Variants in SCN11A observed in about 807,000 individuals in gnomAD.
SCN11A encodes sodium voltage-gated channel alpha subunit 11, also known as sodium channel protein type 11 subunit alpha.
A neutral mutation model predicts 162.2 loss-of-function variants in SCN11A; 122 were observed. The observed-to-expected ratio is 0.75, with a 90% CI of 0.65 to 0.87. SCN11A has a LOEUF of 0.87. SCN11A is among the 40% of genes least tolerant of loss of function. SCN11A has a pLI of 0.00. For synonymous variants in SCN11A, 758 were observed against 751.5 expected, an observed-to-expected ratio of 1.01 and a Z score of -0.14; for missense variants, 2,015 against 2,181.6, an observed-to-expected ratio of 0.92 and a Z score of 1.52.
intron 23 of SCN11A, among the ~76,000 whole-genome samples, chr3:38,879,179 CCTCT>C (rs2065268550): frequency 6.6e-6 from 1 of 152,158 alleles, no homozygotes; most frequent in Non-Finnish European, 1.5e-5. Flanking sequence ...TGTTTCTTAG[CCTCT>C]CTATGACTTA....
chr3:38,936,593 C>A (rs200720000), intron 7 of SCN11A, among the ~76,000 whole-genome samples: 67,455 of 147,458 alleles, frequency 0.46, 17,911 homozygotes, highest in African/African-American at 0.77. Context: ...AAACAGAGAG[C>A]CAAATCATGA....
At chr3:38,920,452 G>A (rs889868686) in intron 10 of SCN11A, among the ~76,000 whole-genome samples, 5 of 152,140 alleles carry the variant, frequency 3.3e-5, no homozygotes, top group African/African-American at 1.2e-4. Context: ...CAGCACTTTG[G>A]GAGGCTGAGG....
At chr3:38,892,613 T>C (rs1291310538) in intron 19 of SCN11A, among the ~76,000 whole-genome samples, 1 of 152,136 alleles carries the variant, frequency 6.6e-6, no homozygotes, top group Non-Finnish European at 1.5e-5. Context: ...ACTTATTTTC[T>C]TTTATTTTCT....
intron 22 of SCN11A, 135 bp from the exon 23 acceptor site, chr3:38,880,258 A>G: frequency 1.6e-6 from 1 of 613,870 alleles, no homozygotes. Flanking sequence ...TGCTCAAAAG[A>G]TATTAAGGCT....
At chr3:38,848,094 G>A (rs1183985891) in intron 29 of SCN11A, among the ~76,000 whole-genome samples, 1 of 152,150 alleles carries the variant, frequency 6.6e-6, no homozygotes, top group Non-Finnish European at 1.5e-5. Context: ...AGCTGCCCAT[G>A]GATCTTTCAT....
intron 11 of SCN11A, 62 bp from the exon 12 acceptor site, chr3:38,910,269 T>A: frequency 4.2e-5 from 63 of 1,501,742 alleles, no homozygotes; most frequent in Non-Finnish European, 5.2e-5. Flanking sequence ...TCTTTTTCCT[T>A]CCAACGACTC....
At chr3:39,032,745 T>C (rs2031792116) in intron 1 of SCN11A, among the ~76,000 whole-genome samples, 1 of 152,184 alleles carries the variant, frequency 6.6e-6, no homozygotes, top group African/African-American at 2.4e-5. Context: ...TAAAATATAT[T>C]GAATATTTCC....
rs1365752051 is a variant in SCN11A at position 38,894,580 on chromosome 3, C to T, written c.2788G>A (p.Gly930Ser). ...AEEEDDVEFS[G>S]EDNAQRITQP... ...GTGATGCGCTGTGCATTATCTTCAC[C>T]AGAAAATTCAACGTCATCTTCCTCC... The change falls in exon 19 of 30, where the codon GGT (glycine) becomes AGT (serine). Residue 930 changes from glycine to serine, a missense_variant. Physicochemically the swap from Gly to Ser is moderately conservative, Grantham distance 56. Transcript: ENST00000302328. 1 of 1,613,610 alleles carries T rather than the reference C, an allele frequency of 6.2e-7. No homozygotes were observed. Among genetic ancestry groups the T allele is most frequent in the Admixed American group, 1.7e-5 (1 of 59,978 alleles).
intron 5 of SCN11A, among the ~76,000 whole-genome samples, chr3:38,948,369 C>T (rs1250260848): frequency 6.6e-6 from 1 of 152,204 alleles, no homozygotes; most frequent in African/African-American, 2.4e-5. Context: ...GTATTTAACT[C>T]TACATGCCAG....
intron 2 of SCN11A, among the ~76,000 whole-genome samples, chr3:39,001,443 A>G (rs901461657): frequency 3.3e-5 from 5 of 152,234 alleles, no homozygotes; most frequent in African/African-American, 1.2e-4. Context: ...ATGTTGTAGC[A>G]TGTATCAGTA....
intron 2 of SCN11A, among the ~76,000 whole-genome samples, chr3:39,020,478 G>A (rs2031423131): frequency 1.3e-5 from 2 of 152,246 alleles, no homozygotes; most frequent in South Asian, 4.1e-4. Context: ...GGGCAGTCCA[G>A]CAGTGTTTGA....
intron 28 of SCN11A, among the ~76,000 whole-genome samples, chr3:38,857,965 C>T (rs1414159745): frequency 6.6e-6 from 1 of 152,062 alleles, no homozygotes; most frequent in Non-Finnish European, 1.5e-5. Flanking sequence ...TTCATCACCA[C>T]CAAACCAACA....
chr3:38,881,106 GC>G (rs1185525571), intron 22 of SCN11A, among the ~76,000 whole-genome samples: 1 of 152,170 alleles, frequency 6.6e-6, no homozygotes, highest in Non-Finnish European at 1.5e-5. Flanking sequence ...GCTGAAGAAG[GC>G]CCTCTATCTC....
intron 7 of SCN11A, among the ~76,000 whole-genome samples, chr3:38,938,550 ATTTTTTTTTTTT>A (rs71085342): frequency 1.4e-4 from 2 of 14,526 alleles, no homozygotes; most frequent in African/African-American, 4.7e-4. Flanking sequence ...ATATATATAT[ATTTTTTTTTTTT>A]TTTTTTTTTT....
At chr3:38,847,865 A>G in intron 29 of SCN11A, 123 bp from the exon 30 acceptor site, 3 of 600,522 alleles carry the variant, frequency 5.0e-6, no homozygotes, top group Non-Finnish European at 8.7e-6. Context: ...GCTTATGTAC[A>G]AAACTAAGAA....
intron 1 of SCN11A, among the ~76,000 whole-genome samples, chr3:39,046,322 G>A: frequency 7.0e-6 from 1 of 143,688 alleles, no homozygotes; most frequent in East Asian, 2.3e-4. Flanking sequence ...AGGGAGGGAG[G>A]GAGGGAATGA....
chr3:38,879,864 G>T, intron 23 of SCN11A, 86 bp downstream of exon 23: 1 of 1,006,638 alleles, frequency 9.9e-7, no homozygotes, highest in Non-Finnish European at 1.5e-6. Flanking sequence ...ACATCCATAT[G>T]CGGCACACAG....
At chr3:38,932,974 C>G (rs1275491339) in intron 7 of SCN11A, among the ~76,000 whole-genome samples, 1 of 152,238 alleles carries the variant, frequency 6.6e-6, no homozygotes, top group Non-Finnish European at 1.5e-5. Flanking sequence ...AGGCACCCCC[C>G]AGTAGGGGCA....
intron 16 of SCN11A, among the ~76,000 whole-genome samples, 197 bp downstream of exon 16, chr3:38,903,668 C>T (rs1283203690): frequency 6.6e-6 from 1 of 152,022 alleles, no homozygotes; most frequent in Non-Finnish European, 1.5e-5. Flanking sequence ...TACCAGAGGG[C>T]CAACTCAGGA....
Sources: allele counts gnomAD v4.1 joint callset (sites outside exome capture counted in the v4.1 genomes callset), GRCh38; gene constraint gnomAD v4.1.1; transcripts MANE v1.5; gene names NCBI Gene and HGNC (gene_info 2026-07-23, HGNC 2026-07-21).